PCDHA3: variants seen among roughly 807,000 people sequenced by gnomAD.
The protein encoded by PCDHA3 is protocadherin alpha-3.
Under a neutral mutation model 62.2 loss-of-function variants are expected in PCDHA3, and 41 were observed. That is an observed-to-expected ratio of 0.66 (90% CI 0.51 to 0.86). The LOEUF (loss-of-function observed/expected upper bound fraction) is 0.86. Ranked by LOEUF, PCDHA3 falls within the 40% of genes least tolerant of loss-of-function variation. The probability of loss-of-function intolerance (pLI) is 0.00; values close to 1 mark genes in which losing one functional copy is unlikely to be tolerated. For missense variants in PCDHA3, 1,304 were observed against 1,241.2 expected, an observed-to-expected ratio of 1.05 and a Z score of -0.76; for synonymous variants, 640 against 555.4, an observed-to-expected ratio of 1.15 and a Z score of -2.14.
Position 140,803,364 on chromosome 5 carries a change from T to G in PCDHA3, c.2167T>G (p.Cys723Gly). The G allele has an allele frequency of 6.2e-7, 1 of 1,614,186 alleles. No homozygotes were observed. Among genetic ancestry groups the G allele is most frequent in the South Asian group, 1.1e-5 (1 of 91,086 alleles). ...LTLLLYTALR[C>G]SAPPTEGDCG... ...ACTGCTGCTATATACTGCTCTGCGGTGCTCCGCGCCGCCAACCGAAGGCGA... is the reference window on the plus strand; with the variant it reads ...ACTGCTGCTATATACTGCTCTGCGGGGCTCCGCGCCGCCAACCGAAGGCGA... Residue 723 changes from cysteine (C) to glycine (G), a missense_variant, in exon 1 of 4, where the codon TGC (cysteine) becomes GGC (glycine). By Grantham distance (159) the Cys-to-Gly change is radical. Coordinates refer to ENST00000522353, the MANE Select transcript of PCDHA3 (RefSeq NM_018906.3).
At position 140,836,014 on chromosome 5, in the gene PCDHA3, C is replaced by T. The variant is rs1554135544; in HGVS notation, c.2394+32423C>T. The T allele has an allele frequency of 4.3e-6, 7 of 1,613,364 alleles. No individual in the cohort carries two copies. In the Admixed American group the frequency reaches 8.3e-5, roughly 19 times the overall value. On this transcript the variant is annotated intron_variant, in intron 1 of 3. Transcript: ENST00000522353. ...AGCGCGCGCGATGCGGGCGTGCCGC[C>T]TCTGGGCAGCAACGTGACGCTGCAG...
intron 1 of PCDHA3, among the ~76,000 whole-genome samples, chr5:140,899,116 T>C (rs563698448): frequency 6.6e-6 from 1 of 152,246 alleles, no homozygotes; most frequent in South Asian, 2.1e-4. Flanking sequence ...TTTCTAGATA[T>C]ACAATCATGT....
rs377373799 is a variant in PCDHA3, at chr5:141,009,886, C to G, written c.2802C>G (p.Thr934=). 3.3e-5 allele frequency: 54 copies of G among 1,612,722 alleles called. No individual in the cohort carries two copies. The highest frequency in any genetic ancestry group is 4.6e-5 in the Non-Finnish European group (54 of 1,179,784). The stretch of plus-strand genomic sequence containing the variant: ...AGAAAAAGAAGAAGGGTAACAAGAC[C>G]CAGGAGAAAAAAGAGAAAGGGAACA... ...KKKKKKKGNK[T]QEKKEKGNST... Residue 934 remains threonine (T), a synonymous_variant, in exon 4 of 4, where the codon ACC becomes ACG. Transcript: ENST00000522353.
At chr5:140,982,935 T>C (rs2097016879) in intron 3 of PCDHA3, among the ~76,000 whole-genome samples, 2 of 151,876 alleles carry the variant, frequency 1.3e-5, no homozygotes, top group African/African-American at 4.9e-5. Context: ...ACAAAGATCT[T>C]TTGGTTGAAG....
At chr5:140,843,932 T>A (rs1404352255) in intron 1 of PCDHA3, 1 of 583,528 alleles carries the variant, frequency 1.7e-6, no homozygotes, top group Admixed American at 3.5e-5. Flanking sequence ...ACTCAAGTTA[T>A]GGTTGGATGA....
intron 1 of PCDHA3, chr5:140,928,174 C>T (rs2085016971): frequency 1.9e-6 from 3 of 1,614,060 alleles, no homozygotes; most frequent in African/African-American, 1.3e-5. Flanking sequence ...ACTTAGCACC[C>T]GAAGGACAAT....
chr5:140,852,967 C>T (rs1446312366), intron 1 of PCDHA3: 3 of 408,074 alleles, frequency 7.4e-6, no homozygotes, highest in South Asian at 2.0e-4. Flanking sequence ...CAAGCTCCCC[C>T]TCCCGTGTTC....
rs191774551 is a variant in PCDHA3, at chr5:140,984,794, A to C, written c.2542+2231A>C. Among the ~76,000 whole-genome samples, 4 of 152,294 alleles carry C rather than the reference A, an allele frequency of 2.6e-5. No homozygotes were observed. In the East Asian group the frequency reaches 7.7e-4, roughly 29 times the overall value. ...CTTACTTGCTGGGTGAGCATAGACA[A>C]ACTGCCTGAATTCATATTTTCTTAA... On this transcript the variant is annotated intron_variant, in intron 3 of 3. Transcript: ENST00000522353.
At chr5:140,823,300 G>A in intron 1 of PCDHA3, 4 of 1,612,472 alleles carry the variant, frequency 2.5e-6, no homozygotes, top group Non-Finnish European at 3.4e-6. Context: ...TTACGTTTCG[G>A]TGCACGCGGA....
At chr5:141,000,393 C>CTATAAATATA (rs1563650230) in intron 3 of PCDHA3, among the ~76,000 whole-genome samples, 1 of 52,856 alleles carries the variant, frequency 1.9e-5, no homozygotes, top group African/African-American at 9.2e-5. Flanking sequence ...CTCTCTCTCT[C>CTATAAATATA]TCTATATATA....
chr5:140,830,372 G>GGGGAGGGCCCACC, intron 1 of PCDHA3: 1 of 1,614,136 alleles, frequency 6.2e-7, no homozygotes, highest in Non-Finnish European at 8.5e-7. Context: ...GGTGTGCTCC[G>GGGGAGGGCCCACC]GGGAGGGCCC....
intron 1 of PCDHA3, among the ~76,000 whole-genome samples, chr5:140,838,200 G>A (rs1223762976): frequency 2.7e-5 from 4 of 149,112 alleles, no homozygotes; most frequent in Non-Finnish European, 4.4e-5. Context: ...TGCAAAATCC[G>A]CCTCTCTGGT....
intron 1 of PCDHA3, among the ~76,000 whole-genome samples, chr5:140,947,600 G>A (rs1328645188): frequency 1.3e-5 from 2 of 151,624 alleles, no homozygotes; most frequent in African/African-American, 4.8e-5. Flanking sequence ...ATTTAGGGAA[G>A]ATTTGGTATC....
intron 1 of PCDHA3, among the ~76,000 whole-genome samples, chr5:140,953,068 C>A (rs1243228817): frequency 6.6e-6 from 1 of 152,198 alleles, no homozygotes; most frequent in East Asian, 1.9e-4. Context: ...CAGGCCCCAT[C>A]TCCAACATTG....
chr5:140,836,406 G>A (rs2150259956), intron 1 of PCDHA3: 4 of 1,613,782 alleles, frequency 2.5e-6, no homozygotes, highest in Middle Eastern at 1.6e-4. Context: ...AAGCGGCCAG[G>A]CACCAAAGGC....
chr5:140,901,899 T>C (rs1439841120), intron 1 of PCDHA3, among the ~76,000 whole-genome samples: 2 of 152,152 alleles, frequency 1.3e-5, no homozygotes, highest in Non-Finnish European at 2.9e-5. Flanking sequence ...ATATTTTTCA[T>C]TGTGGAGATC....
At chr5:140,873,631 A>G (rs2054392579) in intron 1 of PCDHA3, among the ~76,000 whole-genome samples, 1 of 152,222 alleles carries the variant, frequency 6.6e-6, no homozygotes, top group Non-Finnish European at 1.5e-5. Flanking sequence ...TTTAGGTCAA[A>G]GAGTATGTGA....
At position 140,850,532 on chromosome 5, in the gene PCDHA3, G is replaced by A. The variant is rs140380568; in HGVS notation, c.2394+46941G>A. 9.4e-6 allele frequency: 15 copies of A among 1,598,364 alleles called. 1 individual carries two copies. Among genetic ancestry groups the A allele is most frequent in the Admixed American group, 6.7e-5 (4 of 59,316 alleles). ...AGAGCGGCCAGGCGCCAAAGTCATC[G>A]TCGCGGGCGTCAGTGGGTGCCACGG... On this transcript the variant is annotated intron_variant, in intron 1 of 3. Transcript: ENST00000522353.
chr5:140,817,981 CT>C (rs1289282111), intron 1 of PCDHA3, among the ~76,000 whole-genome samples: 3 of 152,254 alleles, frequency 2.0e-5, no homozygotes, highest in Admixed American at 6.5e-5. Flanking sequence ...TGTCTAGCTA[CT>C]TTGTATACTT....
Sources: gnomAD v4.1 joint callset for allele counts (sites outside exome capture counted in the v4.1 genomes callset) on GRCh38, gnomAD v4.1.1 for gene constraint, MANE v1.5 for transcripts, NCBI Gene and HGNC (gene_info 2026-07-23, HGNC 2026-07-21) for gene names.